The following TSHZ2 variants were observed in gnomAD, a reference collection of about 807,000 sequenced individuals.
TSHZ2 encodes teashirt zinc finger homeobox 2, also known as teashirt homolog 2.
TSHZ2 carries 21 observed loss-of-function variants against 74.4 expected under a neutral mutation model. The ratio of observed to expected loss-of-function variants is 0.28; its 90% CI spans 0.20 to 0.41. The LOEUF is 0.41. Among genes scored for constraint, TSHZ2 ranks in the 10% least tolerant of loss-of-function variants. The pLI is 1.00. For missense variants in TSHZ2, 1,244 were observed against 1,293.5 expected, an observed-to-expected ratio of 0.96 and a Z score of 0.59; for synonymous variants, 540 against 515.3, an observed-to-expected ratio of 1.05 and a Z score of -0.65.
intron 1 of TSHZ2, among the ~76,000 whole-genome samples, chr20:53,249,394 T>C (rs553128019): frequency 2.0e-5 from 3 of 152,254 alleles, no homozygotes; most frequent in African/African-American, 7.2e-5. Flanking sequence ...TCTGACTGCA[T>C]GGGGATAGAT....
At chr20:53,314,716 G>A (rs1447707694) in intron 2 of TSHZ2, among the ~76,000 whole-genome samples, 1 of 151,404 alleles carries the variant, frequency 6.6e-6, no homozygotes, top group South Asian at 2.1e-4. Context: ...TCCCCTCCCG[G>A]GTTCAAGTTA....
At chr20:53,413,758 TAC>T (rs1983137173) in intron 2 of TSHZ2, among the ~76,000 whole-genome samples, 2 of 152,238 alleles carry the variant, frequency 1.3e-5, no homozygotes, top group East Asian at 3.8e-4. Flanking sequence ...TCTATGCTGA[TAC>T]AGAGCAATTG....
intron 1 of TSHZ2, among the ~76,000 whole-genome samples, chr20:52,984,801 G>T (rs917706229): frequency 6.6e-6 from 1 of 152,116 alleles, no homozygotes; most frequent in Non-Finnish European, 1.5e-5. Flanking sequence ...GATGGATGGC[G>T]GAAGAGCCAT....
At chr20:53,127,750 T>C (rs1258359238) in intron 1 of TSHZ2, among the ~76,000 whole-genome samples, 2 of 152,172 alleles carry the variant, frequency 1.3e-5, no homozygotes, top group East Asian at 1.9e-4. Flanking sequence ...AGAGTATTTA[T>C]AACAACTTCA....
intron 2 of TSHZ2, among the ~76,000 whole-genome samples, chr20:53,341,952 C>G (rs1980221238): frequency 6.6e-6 from 1 of 152,156 alleles, no homozygotes; most frequent in Non-Finnish European, 1.5e-5. Context: ...CTCAGTTGAT[C>G]CACCCACCTC....
At chr20:53,026,933 T>C (rs761165452) in intron 1 of TSHZ2, among the ~76,000 whole-genome samples, 1 of 151,512 alleles carries the variant, frequency 6.6e-6, no homozygotes, top group African/African-American at 2.4e-5. Flanking sequence ...AACCCAGGGG[T>C]TCATAAGTTA....
intron 1 of TSHZ2, among the ~76,000 whole-genome samples, chr20:53,070,737 T>G (rs1568745288): frequency 6.6e-6 from 1 of 152,202 alleles, no homozygotes. Flanking sequence ...GAGGTTCACA[T>G]AAACATTTAT....
At chr20:53,118,470 A>G (rs1471028681) in intron 1 of TSHZ2, among the ~76,000 whole-genome samples, 3 of 152,132 alleles carry the variant, frequency 2.0e-5, no homozygotes, top group South Asian at 4.1e-4. Flanking sequence ...ACAGGGCAGG[A>G]GAAAGATGAG....
At chr20:53,197,563 C>A (rs1169274228) in intron 1 of TSHZ2, among the ~76,000 whole-genome samples, 1 of 152,186 alleles carries the variant, frequency 6.6e-6, no homozygotes, top group African/African-American at 2.4e-5. Context: ...GGAAATGGCC[C>A]TAATTTTCCC....
intron 2 of TSHZ2, among the ~76,000 whole-genome samples, chr20:53,404,024 A>T (rs1409480805): frequency 6.6e-6 from 1 of 152,230 alleles, no homozygotes; most frequent in Non-Finnish European, 1.5e-5. Context: ...TTATGCTAAG[A>T]TGTTGAGAGA....
chr20:53,008,465 TTA>T (rs1982725961), intron 1 of TSHZ2, among the ~76,000 whole-genome samples: 1 of 152,026 alleles, frequency 6.6e-6, no homozygotes, highest in Non-Finnish European at 1.5e-5. Context: ...AGAGCCTGGG[TTA>T]GGGTTCTTCC....
At chr20:53,053,712 C>T (rs1028656333) in intron 1 of TSHZ2, among the ~76,000 whole-genome samples, 3 of 152,062 alleles carry the variant, frequency 2.0e-5, no homozygotes, top group Non-Finnish European at 2.9e-5. Context: ...TTGGAAATAG[C>T]GCATACATAA....
At chr20:53,332,665 A>T (rs1979772210) in intron 2 of TSHZ2, among the ~76,000 whole-genome samples, 1 of 152,188 alleles carries the variant, frequency 6.6e-6, no homozygotes, top group Non-Finnish European at 1.5e-5. Flanking sequence ...AAGAAGCCCG[A>T]GTGTGCTAAG....
intron 1 of TSHZ2, among the ~76,000 whole-genome samples, chr20:53,199,994 A>G (rs1453751872): frequency 1.3e-5 from 2 of 152,194 alleles, no homozygotes; most frequent in African/African-American, 2.4e-5. Context: ...GGAAGGGAAA[A>G]TAAAACTCAG....
intron 1 of TSHZ2, among the ~76,000 whole-genome samples, chr20:53,236,612 C>T (rs1385764591): frequency 6.6e-6 from 1 of 152,164 alleles, no homozygotes; most frequent in Non-Finnish European, 1.5e-5. Context: ...AAGCTAGATT[C>T]AATCAGTTTC....
At chr20:53,395,097 A>G (rs1568898695) in intron 2 of TSHZ2, among the ~76,000 whole-genome samples, 2 of 152,224 alleles carry the variant, frequency 1.3e-5, no homozygotes, top group Non-Finnish European at 2.9e-5. Context: ...CAGTCATGTG[A>G]AATCAAAGGT....
rs71675648 is a variant in TSHZ2, at chr20:53,223,898, A to AACAC, written c.41-29570_41-29567dup. 1.5e-3 allele frequency among the ~76,000 whole-genome samples: 212 copies of AACAC among 145,498 alleles called. 1 individual carries two copies. The highest frequency in any genetic ancestry group is 4.8e-3 in the African/African-American group (189 of 39,268). On this transcript the variant is annotated intron_variant, in intron 1 of 2. Transcript: ENST00000371497. ...ATGTGAAAAAAATGTTACAGGACTAAACACACACACACACACACACACACA... is the reference window on the plus strand; with the variant it reads ...ATGTGAAAAAAATGTTACAGGACTAAACACACACACACACACACACACACACACA...
In TSHZ2 at chr20:53,240,569, A is replaced by C. The variant is rs1206376686; in HGVS notation, c.41-12930A>C. On this transcript the variant is annotated intron_variant, in intron 1 of 2. Coordinates refer to ENST00000371497, the MANE Select transcript of TSHZ2 (RefSeq NM_173485.6). ...CATATAAGGAGATGCTTTTCCAGGA[A>C]CTCAGCCCATGCCTAATAATCCTCC... Among the ~76,000 whole-genome samples the C allele has an allele frequency of 5.9e-5, 9 of 152,208 alleles. No individual in the cohort carries two copies. The East Asian group carries it at 1.4e-3, about 23-fold the overall frequency.
chr20:53,172,661 G>T (rs1228128679), intron 1 of TSHZ2, among the ~76,000 whole-genome samples: 2 of 152,186 alleles, frequency 1.3e-5, no homozygotes, highest in Non-Finnish European at 2.9e-5. Flanking sequence ...ACCATCCTGT[G>T]AGGTGAGTAC....
Sources: gnomAD v4.1 joint callset for allele counts (sites outside exome capture counted in the v4.1 genomes callset) on GRCh38, gnomAD v4.1.1 for gene constraint, MANE v1.5 for transcripts, NCBI Gene and HGNC (gene_info 2026-07-23, HGNC 2026-07-21) for gene names.